ADAMTSL1: variants seen among roughly 807,000 people sequenced by gnomAD.
ADAMTSL1 encodes ADAMTS-like protein 1.
In ADAMTSL1, 126 loss-of-function variants were observed where a neutral mutation model predicts 201.8. That is an observed-to-expected ratio of 0.62 (90% confidence interval 0.54 to 0.72). The LOEUF is 0.72. Ranked by LOEUF, ADAMTSL1 falls within the 30% of genes least tolerant of loss-of-function variation. The pLI is 0.00. For synonymous variants in ADAMTSL1, 1,121 were observed against 903.4 expected, an observed-to-expected ratio of 1.24 and a Z score of -4.32; for missense variants, 2,679 against 2,277.8, an observed-to-expected ratio of 1.18 and a Z score of -3.59.
At chr9:18,876,840 A>G (rs896559488) in intron 23 of ADAMTSL1, among the ~76,000 whole-genome samples, 29 of 152,228 alleles carry the variant, frequency 1.9e-4, no homozygotes, top group African/African-American at 7.0e-4. Context: ...TCCCTCAAAT[A>G]TGTTTACCAA....
Position 18,888,029 on chromosome 9 carries a change from C to T in ADAMTSL1, c.4448C>T (p.Ser1483Phe), listed in dbSNP as rs1314758073. ...GCAGGGGTGCTCATGCAGAAGGCAT[C>T]TTTAGTGATCCAAGGTAAGAAACCC... Reference protein sequence around the residue: ...NEAGVLMQKASLVIQDYWWSV... With the variant: ...NEAGVLMQKAFLVIQDYWWSV... Residue 1483 changes from serine (S) to phenylalanine (F), a missense_variant, in exon 24 of 29, where the codon TCT (serine) becomes TTT (phenylalanine). Physicochemically the swap from Ser to Phe is radical, Grantham distance 155. Coordinates refer to ENST00000380548, the MANE Select transcript of ADAMTSL1 (RefSeq NM_001040272.6). 1.9e-6 allele frequency: 3 copies of T among 1,612,936 alleles called. No individual in the cohort carries two copies. Among genetic ancestry groups the T allele is most frequent in the Admixed American group, 3.3e-5 (2 of 59,988 alleles).
intron 26 of ADAMTSL1, among the ~76,000 whole-genome samples, chr9:18,901,416 C>T (rs1445736617): frequency 1.4e-5 from 2 of 147,948 alleles, no homozygotes; most frequent in African/African-American, 2.5e-5. Flanking sequence ...TATTTTGTTT[C>T]ATAGCTCCAC....
At chr9:18,342,124 C>A (rs143282529) in intron 2 of ADAMTSL1, among the ~76,000 whole-genome samples, 26 of 152,224 alleles carry the variant, frequency 1.7e-4, no homozygotes, top group African/African-American at 6.0e-4. Flanking sequence ...ACTCCCAGTT[C>A]TTCTTTTCTA....
intron 1 of ADAMTSL1, among the ~76,000 whole-genome samples, chr9:17,993,567 G>A (rs905973054): frequency 1.3e-5 from 2 of 152,110 alleles, no homozygotes; most frequent in African/African-American, 4.8e-5. Flanking sequence ...AATCTAATGA[G>A]AAGTGACAGG....
intron 9 of ADAMTSL1, among the ~76,000 whole-genome samples, chr9:18,663,113 A>G (rs1235222779): frequency 6.6e-6 from 1 of 152,192 alleles, no homozygotes; most frequent in Non-Finnish European, 1.5e-5. Flanking sequence ...GTGATAAGCA[A>G]TGCAATTTTA....
chr9:18,605,150 A>G (rs904611858), intron 4 of ADAMTSL1, among the ~76,000 whole-genome samples: 4 of 152,110 alleles, frequency 2.6e-5, no homozygotes, highest in African/African-American at 4.8e-5. Flanking sequence ...GAAAATAACC[A>G]TGAAAATAGT....
intron 2 of ADAMTSL1, among the ~76,000 whole-genome samples, chr9:18,319,314 C>G (rs4961461): frequency 0.32 from 48,257 of 152,048 alleles, 8,651 homozygotes; most frequent in Admixed American, 0.5. Context: ...GGAAATGTCT[C>G]TTTCAATTAT....
chr9:18,617,920 G>T (rs1428965385), intron 4 of ADAMTSL1, among the ~76,000 whole-genome samples: 1 of 152,266 alleles, frequency 6.6e-6, no homozygotes, highest in Non-Finnish European at 1.5e-5. Flanking sequence ...CTAATAAACT[G>T]TATTAGACCA....
At chr9:18,310,306 T>A (rs1834080165) in intron 2 of ADAMTSL1, among the ~76,000 whole-genome samples, 1 of 108,260 alleles carries the variant, frequency 9.2e-6, no homozygotes, top group African/African-American at 3.5e-5. Context: ...AACACCAAAG[T>A]AATGGCAACA....
chr9:18,695,563 A>C (rs561325917), intron 13 of ADAMTSL1, among the ~76,000 whole-genome samples: 14 of 152,256 alleles, frequency 9.2e-5, no homozygotes, highest in Non-Finnish European at 1.6e-4. Flanking sequence ...AGTTACCCTA[A>C]ATTATCACTT....
At position 17,910,694 on chromosome 9, in the gene ADAMTSL1, G is replaced by A. The variant is rs190822115; in HGVS notation, c.87+3772G>A. 3.1e-4 allele frequency among the ~76,000 whole-genome samples: 21 copies of A among 68,806 alleles called. 8 individuals are homozygous for A. The Admixed American group carries it at 3.7e-3, about 12-fold the overall frequency. 45.1% of individuals were successfully genotyped at this position (68,806 alleles called of 152,430 possible). A position where few individuals can be genotyped will look rare whatever the true frequency, so the allele number is the denominator to read the frequency against. On this transcript the variant is annotated intron_variant, in intron 1 of 29. Coordinates refer to the ADAMTSL1 transcript ENST00000680146. Reference sequence around the variant, plus strand: ...AAGTGGTAGATTGGTTCAGTATCCCGGTAAATGCAAAATGCCTTTGAGAGT... The same window carrying A: ...AAGTGGTAGATTGGTTCAGTATCCCAGTAAATGCAAAATGCCTTTGAGAGT...
chr9:18,750,407 A>T (rs1819405160), intron 15 of ADAMTSL1, among the ~76,000 whole-genome samples: 1 of 152,160 alleles, frequency 6.6e-6, no homozygotes, highest in Non-Finnish European at 1.5e-5. Flanking sequence ...GGCTTTGTTC[A>T]TTCAATTTTA....
rs140365022 is a variant in ADAMTSL1 at position 18,050,006 on chromosome 9, C to T, written c.88-113856C>T. Reference sequence around the variant, plus strand: ...TGGGAACTTCTGTCACTTGCAGCCACAGGAAGCACAACAGATACCATATCT... The same window carrying T: ...TGGGAACTTCTGTCACTTGCAGCCATAGGAAGCACAACAGATACCATATCT... On this transcript the variant is annotated intron_variant, in intron 1 of 29. Transcript: ENST00000680146. Among the ~76,000 whole-genome samples the T allele has an allele frequency of 3.0e-4, 46 of 152,256 alleles. 1 individual carries two copies. In the East Asian group the frequency reaches 6.6e-3, roughly 22 times the overall value.
rs12003172 is a variant in ADAMTSL1 at position 18,888,320 on chromosome 9, G to A, written c.4462+277G>A. On this transcript the variant is annotated intron_variant, in intron 24 of 28. Transcript: ENST00000380548. Reference sequence around the variant, plus strand: ...TAATGCTGCTGTTGCTCAGGACCATGGAAACACCACTATATATCAAAGTCA... The same window carrying A: ...TAATGCTGCTGTTGCTCAGGACCATAGAAACACCACTATATATCAAAGTCA... 3.6e-3 allele frequency among the ~76,000 whole-genome samples: 549 copies of A among 152,274 alleles called. 5 individuals are homozygous for A. Among genetic ancestry groups the A allele is most frequent in the African/African-American group, 0.012 (505 of 41,550 alleles).
chr9:18,042,529 T>C (rs1322627684), intron 1 of ADAMTSL1, among the ~76,000 whole-genome samples: 1 of 152,100 alleles, frequency 6.6e-6, no homozygotes, highest in East Asian at 1.9e-4. Context: ...ATACATAGGA[T>C]CTGAAACTAG....
At chr9:18,558,301 T>C (rs916053680) in intron 3 of ADAMTSL1, among the ~76,000 whole-genome samples, 12 of 152,168 alleles carry the variant, frequency 7.9e-5, no homozygotes, top group African/African-American at 2.9e-4. Context: ...AGAATGATGG[T>C]TTCCAGCTTT....
At chr9:18,116,543 C>A (rs1250254401) in intron 1 of ADAMTSL1, among the ~76,000 whole-genome samples, 1 of 152,142 alleles carries the variant, frequency 6.6e-6, no homozygotes, top group Non-Finnish European at 1.5e-5. Context: ...GTTATGAAAT[C>A]TCCCTTTCTA....
intron 23 of ADAMTSL1, among the ~76,000 whole-genome samples, chr9:18,840,391 C>A (rs1049546620): frequency 6.6e-6 from 1 of 152,136 alleles, no homozygotes; most frequent in Non-Finnish European, 1.5e-5. Context: ...TTCCATTGAT[C>A]TATATCTCTG....
chr9:18,830,107 C>T (rs1588184232), intron 23 of ADAMTSL1, 130 bp downstream of exon 23: 6 of 1,255,272 alleles, frequency 4.8e-6, no homozygotes, highest in Middle Eastern at 4.1e-4. Flanking sequence ...AAATTGCCTA[C>T]AGAATCCAGA....
Sources: gnomAD v4.1 joint callset for allele counts (sites outside exome capture counted in the v4.1 genomes callset) on GRCh38, gnomAD v4.1.1 for gene constraint, MANE v1.5 for transcripts, NCBI Gene and HGNC (gene_info 2026-07-23, HGNC 2026-07-21) for gene names.